The following PREX1 variants were observed in gnomAD, a reference collection of about 807,000 sequenced individuals.
PREX1 encodes phosphatidylinositol-3,4,5-trisphosphate dependent Rac exchange factor 1.
A neutral mutation model predicts 198.3 loss-of-function variants in PREX1; 41 were observed. That is an observed-to-expected ratio of 0.21 (90% CI 0.16 to 0.27). The LOEUF is 0.27. PREX1 is among the 10% of genes least tolerant of loss of function. PREX1 has a pLI of 1.00. For synonymous variants in PREX1, 843 were observed against 887.2 expected (o/e 0.95, Z 0.89); for missense variants, 1,620 against 2,200.7 (o/e 0.74, Z 5.28).
intron 1 of PREX1, among the ~76,000 whole-genome samples, chr20:48,765,784 G>A (rs1409237896): frequency 6.6e-6 from 1 of 152,080 alleles, no homozygotes; most frequent in African/African-American, 2.4e-5. Flanking sequence ...GAGTTGGGAG[G>A]CCTAAATCAG....
chr20:48,642,705 G>A lies in PREX1; in HGVS notation c.3602-216C>T, dbSNP rs148702187. On this transcript the variant is annotated intron_variant, in intron 27 of 39. Transcript: ENST00000371941. Reference sequence around the variant, plus strand: ...TGCAAAATGGACAACAGGCACTAACGCATGACAAGATTGTAAAGCACTGCT... The same window carrying A: ...TGCAAAATGGACAACAGGCACTAACACATGACAAGATTGTAAAGCACTGCT... 4.4e-4 allele frequency: 224 copies of A among 513,692 alleles called. 1 individual carries two copies. The highest frequency in any genetic ancestry group is 3.9e-3 in the African/African-American group (203 of 52,260). 31.8% of individuals were successfully genotyped at this position (513,692 alleles called of 1,614,324 possible).
chr20:48,808,646 C>T (rs564988766), intron 1 of PREX1, among the ~76,000 whole-genome samples: 9 of 152,300 alleles, frequency 5.9e-5, no homozygotes, highest in South Asian at 4.1e-4. Context: ...CCTCACTCAG[C>T]GACACCACCT....
chr20:48,875,419 GC>G, the PREX1 span, among the ~76,000 whole-genome samples: 2 of 152,306 alleles, frequency 1.3e-5, no homozygotes, highest in South Asian at 4.1e-4. Flanking sequence ...GCTGGGCTGT[GC>G]AGGGACTTGA....
chr20:48,735,536 C>A (rs929166642), intron 3 of PREX1, among the ~76,000 whole-genome samples: 2 of 152,166 alleles, frequency 1.3e-5, no homozygotes, highest in Non-Finnish European at 1.5e-5. Context: ...TGAGCAGACA[C>A]CCTGAGCCAC....
the PREX1 span, among the ~76,000 whole-genome samples, chr20:48,869,665 T>TA: frequency 1.3e-5 from 2 of 152,030 alleles, no homozygotes; most frequent in Admixed American, 6.5e-5. Context: ...TATGCAGCCA[T>TA]AAAAAAGAAT....
intron 18 of PREX1, among the ~76,000 whole-genome samples, chr20:48,655,599 G>T (rs1453066346): frequency 6.6e-6 from 1 of 152,176 alleles, no homozygotes; most frequent in Non-Finnish European, 1.5e-5. Context: ...CAACCCACTG[G>T]CCTGCCCTTG....
chr20:48,864,120 T>C, the PREX1 span, among the ~76,000 whole-genome samples: 1 of 152,232 alleles, frequency 6.6e-6, no homozygotes, highest in South Asian at 2.1e-4. Context: ...CAATGACACA[T>C]GATCACTGCA....
At chr20:48,732,597 C>A (rs1264215163) in intron 4 of PREX1, among the ~76,000 whole-genome samples, 1 of 152,154 alleles carries the variant, frequency 6.6e-6, no homozygotes, top group African/African-American at 2.4e-5. Context: ...CTAGGATGGA[C>A]CCCTAGAAAG....
Position 48,681,732 on chromosome 20 carries a change from A to C in PREX1, c.1335-397T>G, listed in dbSNP as rs562042354. Among the ~76,000 whole-genome samples, 320 of 151,028 alleles carry C rather than the reference A, an allele frequency of 2.1e-3. 4 individuals carry two copies. The highest frequency in any genetic ancestry group is 7.5e-3 in the African/African-American group (305 of 40,722). On this transcript the variant is annotated intron_variant, in intron 10 of 39. Transcript: ENST00000371941. ...GACGGATGGATGTCCGGCCAGACAG[A>C]CAGCCAGCAGCACATGGGCAGGTAG... is the stretch of plus-strand genomic sequence containing the variant.
intron 20 of PREX1, 117 bp downstream of exon 20, chr20:48,653,244 C>T: frequency 2.1e-6 from 3 of 1,456,204 alleles, no homozygotes; most frequent in Non-Finnish European, 2.8e-6. Flanking sequence ...TCAGCAGCTC[C>T]ACCCTACTCA....
chr20:48,626,142 T>C (rs907745837), intron 39 of PREX1, among the ~76,000 whole-genome samples: 5 of 152,232 alleles, frequency 3.3e-5, no homozygotes, highest in Admixed American at 3.3e-4. Flanking sequence ...GAGACTGGCA[T>C]TTACAAATGA....
At chr20:48,677,103 C>T (rs116499125) in intron 13 of PREX1, among the ~76,000 whole-genome samples, 2,025 of 152,308 alleles carry the variant, frequency 0.013, 52 homozygotes, top group African/African-American at 0.044. Context: ...TGGAGGATTT[C>T]TCTCAGGCTT....
chr20:48,663,385 G>A (rs1219503353), intron 15 of PREX1, among the ~76,000 whole-genome samples: 1 of 152,190 alleles, frequency 6.6e-6, no homozygotes, highest in Admixed American at 6.5e-5. Flanking sequence ...GGCCCGGCTG[G>A]GTGTGGTGGC....
rs1296315217 is a variant in PREX1, at chr20:48,827,834, G to C, written c.27C>G (p.Pro9=). The C allele has an allele frequency of 8.2e-6, 8 of 979,912 alleles. No individual in the cohort carries two copies. The highest frequency in any genetic ancestry group is 8.5e-6 in the Non-Finnish European group (7 of 824,106). The allele number at this position is 979,912 out of a possible 1,614,324, so 60.7% of individuals were successfully genotyped here. ...CGCAGTCCCCGGCCCCGTCGCCGCC[G>C]GGCTCGCTGCCGCTGGGCGCCTCCA... MEAPSGSE[P]GGDGAGDCAH... The change falls in exon 1 of 40, where the codon CCC becomes CCG. Residue 9 remains proline (P), a synonymous_variant. Transcript: ENST00000371941. This position sits in a 1 kb window ranked among gnomAD's most constrained non-coding sequence, Gnocchi z 4.1.
At chr20:48,677,495 T>C (rs1449104295) in intron 13 of PREX1, among the ~76,000 whole-genome samples, 2 of 152,242 alleles carry the variant, frequency 1.3e-5, no homozygotes, top group Non-Finnish European at 2.9e-5. Flanking sequence ...CATTATACAA[T>C]GCCAGGAGCC....
intron 10 of PREX1, among the ~76,000 whole-genome samples, chr20:48,685,755 C>T (rs1020498358): frequency 6.6e-6 from 1 of 152,152 alleles, no homozygotes; most frequent in African/African-American, 2.4e-5. Context: ...GCTATAGAAG[C>T]CTAGCACAGT....
chr20:48,745,631 T>C (rs1173867993), intron 2 of PREX1, among the ~76,000 whole-genome samples: 1 of 152,146 alleles, frequency 6.6e-6, no homozygotes, highest in Non-Finnish European at 1.5e-5. Context: ...GAAAACACAA[T>C]AAGGAAGGAG....
chr20:48,819,490 C>G (rs1392828393), intron 1 of PREX1, among the ~76,000 whole-genome samples: 1 of 152,238 alleles, frequency 6.6e-6, no homozygotes, highest in Non-Finnish European at 1.5e-5. Context: ...ATCCCTGTCA[C>G]AAACATCACC....
intron 7 of PREX1, among the ~76,000 whole-genome samples, chr20:48,695,939 T>G (rs991957036): frequency 1.3e-5 from 2 of 152,238 alleles, no homozygotes; most frequent in Non-Finnish European, 2.9e-5. Context: ...AATAAAACTT[T>G]ATTGACAAAA....
Sources: gnomAD v4.1 joint callset for allele counts (sites outside exome capture counted in the v4.1 genomes callset) on GRCh38, gnomAD v4.1.1 for gene constraint, Gnocchi (gnomAD v3.1) non-coding constraint, MANE v1.5 for transcripts, NCBI Gene and HGNC (gene_info 2026-07-23, HGNC 2026-07-21) for gene names.